The following DRC11 variants were observed in gnomAD, a reference collection of about 807,000 sequenced individuals.
DRC11 encodes the protein dynein regulatory complex subunit 11.
At chr2:236,349,074 C>T in the DRC11 span, among the ~76,000 whole-genome samples, 3 of 152,160 alleles carry the variant, frequency 2.0e-5, no homozygotes, top group African/African-American at 7.2e-5. This position sits in a 1 kb window ranked among gnomAD's most constrained non-coding sequence, Gnocchi z 5.5. Flanking sequence ...GGTATCCACC[C>T]TTGTCTCATT....
the DRC11 span, among the ~76,000 whole-genome samples, chr2:236,327,629 CT>C: frequency 6.6e-6 from 1 of 152,156 alleles, no homozygotes; most frequent in East Asian, 1.9e-4. Flanking sequence ...TTTTTCAGTT[CT>C]TTTGTTTTCT....
At chr2:236,372,199 G>T in the DRC11 span, among the ~76,000 whole-genome samples, 1 of 152,116 alleles carries the variant, frequency 6.6e-6, no homozygotes, top group African/African-American at 2.4e-5. This position sits in a 1 kb window ranked among gnomAD's most constrained non-coding sequence, Gnocchi z 4.5. Context: ...AGAAACAAAA[G>T]ACATCATTCT....
the DRC11 span, among the ~76,000 whole-genome samples, chr2:236,308,510 A>G: frequency 6.6e-6 from 1 of 152,222 alleles, no homozygotes; most frequent in Non-Finnish European, 1.5e-5. The surrounding 1 kb of genome is among the most constrained non-coding windows in gnomAD (Gnocchi z 6.0). Context: ...AGTGGCCCAG[A>G]TGGGCAGCTG....
the DRC11 span, among the ~76,000 whole-genome samples, chr2:236,386,593 T>A: frequency 6.6e-6 from 1 of 152,234 alleles, no homozygotes; most frequent in Admixed American, 6.5e-5. Flanking sequence ...ATCAATTTTG[T>A]TGATCCTTTC....
the DRC11 span, among the ~76,000 whole-genome samples, chr2:236,354,825 G>A: frequency 6.6e-6 from 1 of 152,126 alleles, no homozygotes; most frequent in African/African-American, 2.4e-5. Context: ...CCTGTGTGGG[G>A]TGCTCCCTGT....
At chr2:236,389,010 T>A in the DRC11 span, among the ~76,000 whole-genome samples, 1 of 151,996 alleles carries the variant, frequency 6.6e-6, no homozygotes, top group Non-Finnish European at 1.5e-5. Context: ...GAGGAGGCAG[T>A]CTGCCCGTTC....
the DRC11 span, among the ~76,000 whole-genome samples, chr2:236,430,446 C>T: frequency 2.0e-5 from 3 of 152,190 alleles, no homozygotes; most frequent in Non-Finnish European, 4.4e-5. This position sits in a 1 kb window ranked among gnomAD's most constrained non-coding sequence, Gnocchi z 6.0. Context: ...GCGTATTATA[C>T]ATACTGTTCT....
chr2:236,365,132 G>A, the DRC11 span, among the ~76,000 whole-genome samples: 1 of 152,126 alleles, frequency 6.6e-6, no homozygotes, highest in Non-Finnish European at 1.5e-5. The surrounding 1 kb of genome is among the most constrained non-coding windows in gnomAD (Gnocchi z 7.4). Context: ...GGGAGCTAGT[G>A]TGGGGGTCCG....
At chr2:236,402,226 G>A in the DRC11 span, among the ~76,000 whole-genome samples, 2 of 152,184 alleles carry the variant, frequency 1.3e-5, no homozygotes, top group African/African-American at 4.8e-5. The surrounding 1 kb of genome is among the most constrained non-coding windows in gnomAD (Gnocchi z 6.0). Context: ...CTCTGATCAA[G>A]TCACCTCCTG....
At chr2:236,358,535 G>A in the DRC11 span, among the ~76,000 whole-genome samples, 2 of 144,722 alleles carry the variant, frequency 1.4e-5, no homozygotes, top group African/African-American at 2.6e-5. Context: ...ATAAGGCAGG[G>A]CTGTTGCCTA....
At chr2:236,354,245 A>ATGAG in the DRC11 span, among the ~76,000 whole-genome samples, 10 of 148,228 alleles carry the variant, frequency 6.7e-5, no homozygotes, top group East Asian at 3.9e-4. Context: ...AGTATGAGGT[A>ATGAG]TGTTAGTGTG....
At chr2:236,362,227 G>T in the DRC11 span, among the ~76,000 whole-genome samples, 1 of 152,114 alleles carries the variant, frequency 6.6e-6, no homozygotes, top group Non-Finnish European at 1.5e-5. The surrounding 1 kb of genome is among the most constrained non-coding windows in gnomAD (Gnocchi z 5.7). Flanking sequence ...ACAATGAAAT[G>T]AACCAATGAA....
At chr2:236,506,948 T>C in the DRC11 span, among the ~76,000 whole-genome samples, 7 of 152,226 alleles carry the variant, frequency 4.6e-5, no homozygotes, top group Non-Finnish European at 8.8e-5. The surrounding 1 kb of genome is among the most constrained non-coding windows in gnomAD (Gnocchi z 4.9). Flanking sequence ...AATGGCATAG[T>C]GCTTCTCAGC....
At chr2:236,308,071 T>TCGTGTGCTTG in the DRC11 span, among the ~76,000 whole-genome samples, 330 of 151,570 alleles carry the variant, frequency 2.2e-3, 4 homozygotes, top group African/African-American at 7.6e-3. This position sits in a 1 kb window ranked among gnomAD's most constrained non-coding sequence, Gnocchi z 6.0. Flanking sequence ...GCAGGCGTCC[T>TCGTGTGCTTG]CATGCGCTTG....
At chr2:236,502,548 CAAA>C in the DRC11 span, among the ~76,000 whole-genome samples, 179 of 14,796 alleles carry the variant, frequency 0.012, no homozygotes, top group Non-Finnish European at 0.031. Context: ...TGCACTCCAG[CAAA>C]AAAAAAAAAA....
At chr2:236,458,586 C>T in the DRC11 span, among the ~76,000 whole-genome samples, 1 of 152,172 alleles carries the variant, frequency 6.6e-6, no homozygotes, top group African/African-American at 2.4e-5. Context: ...ATTTTATTGG[C>T]ATCACCTCAT....
At chr2:236,457,618 G>C in the DRC11 span, among the ~76,000 whole-genome samples, 1 of 152,294 alleles carries the variant, frequency 6.6e-6, no homozygotes, top group African/African-American at 2.4e-5. This position sits in a 1 kb window ranked among gnomAD's most constrained non-coding sequence, Gnocchi z 4.7. Flanking sequence ...CCATGAGAGG[G>C]GGAGATGATT....
the DRC11 span, among the ~76,000 whole-genome samples, chr2:236,502,892 T>C: frequency 1.3e-5 from 2 of 151,686 alleles, no homozygotes; most frequent in Non-Finnish European, 2.9e-5. Context: ...GAGGCGGAGG[T>C]TGCAGTGAGC....
the DRC11 span, among the ~76,000 whole-genome samples, chr2:236,357,168 C>T: frequency 2.3e-3 from 189 of 80,490 alleles, 9 homozygotes; most frequent in African/African-American, 0.011. Flanking sequence ...TCATATATAT[C>T]TATATATTAT....
Sources: allele counts gnomAD v4.1 joint callset (sites outside exome capture counted in the v4.1 genomes callset), GRCh38; gene constraint gnomAD v4.1.1; non-coding constraint Gnocchi (gnomAD v3.1); transcripts MANE v1.5; gene names NCBI Gene and HGNC (gene_info 2026-07-23, HGNC 2026-07-21).